Variants in SCUBE1 observed in about 807,000 individuals in gnomAD.
The protein encoded by SCUBE1 is signal peptide, CUB domain and EGF like domain containing 1, also known as signal peptide, CUB and EGF-like domain-containing protein 1.
In SCUBE1, 59 loss-of-function variants were observed where a neutral mutation model predicts 124.4. The ratio of observed to expected loss-of-function variants is 0.47; its 90% CI spans 0.38 to 0.59. SCUBE1 has a LOEUF of 0.59. SCUBE1 is among the 20% of genes least tolerant of loss of function. SCUBE1 has a pLI of 0.00. For synonymous variants in SCUBE1, 545 were observed against 550.9 expected (o/e 0.99, Z 0.15); for missense variants, 1,150 against 1,371.2 (o/e 0.84, Z 2.55).
chr22:43,206,450 C>T (rs1214913620), intron 21 of SCUBE1, among the ~76,000 whole-genome samples: 1 of 152,176 alleles, frequency 6.6e-6, no homozygotes, highest in Non-Finnish European at 1.5e-5. Flanking sequence ...TGCTCCTGCC[C>T]TCCTCTGTGC....
chr22:43,335,811 A>G (rs973028444), intron 2 of SCUBE1, among the ~76,000 whole-genome samples: 3 of 111,426 alleles, frequency 2.7e-5, no homozygotes, highest in African/African-American at 1.1e-4. Context: ...GGTGATGATG[A>G]TGATGATGGT....
At chr22:43,294,874 C>T (rs1348524015) in intron 3 of SCUBE1, among the ~76,000 whole-genome samples, 1 of 152,194 alleles carries the variant, frequency 6.6e-6, no homozygotes, top group East Asian at 1.9e-4. Context: ...GGGTTGCCAG[C>T]CTCACTACCA....
rs773494054 is a variant in SCUBE1 at position 43,198,993 on chromosome 22, T to C, written c.*5004A>G. 2.8e-6 allele frequency: 1 copy of C among 361,390 alleles called. No individual in the cohort carries two copies. The highest frequency in any genetic ancestry group is 5.4e-6 in the Non-Finnish European group (1 of 184,802). The allele number at this position is 361,390 out of a possible 1,614,324, so 22.4% of individuals were successfully genotyped here. A position where few individuals can be genotyped will look rare whatever the true frequency, so the allele number is the denominator to read the frequency against. Reference sequence around the variant, plus strand: ...TCTGCTGTCCGGGGCAACGTGTCTGTCTGTCTGCTGTCCGGGGCAGTGTGT... The same window carrying C: ...TCTGCTGTCCGGGGCAACGTGTCTGCCTGTCTGCTGTCCGGGGCAGTGTGT... On this transcript the variant is annotated 3_prime_UTR_variant, in exon 22 of 22. Coordinates refer to ENST00000360835, the MANE Select transcript of SCUBE1 (RefSeq NM_173050.5).
intron 10 of SCUBE1, among the ~76,000 whole-genome samples, chr22:43,224,539 TCCAA>T (rs1383694638): frequency 6.6e-6 from 1 of 152,188 alleles, no homozygotes; most frequent in Non-Finnish European, 1.5e-5. Flanking sequence ...TCCAACTCAA[TCCAA>T]GCTGGCCCCC....
intron 20 of SCUBE1, 39 bp downstream of exon 20, chr22:43,208,033 G>A (rs750989629): frequency 9.3e-6 from 15 of 1,610,506 alleles, no homozygotes; most frequent in African/African-American, 1.3e-5. Flanking sequence ...GGCCCCGCCT[G>A]AGCCGTGCAC....
At chr22:43,270,014 T>A (rs1401158573) in intron 4 of SCUBE1, 1 of 152,144 alleles carries the variant, frequency 6.6e-6, no homozygotes, top group Non-Finnish European at 1.5e-5. Context: ...CAGGACGGGG[T>A]ATGCTACGGC....
At chr22:43,226,031 C>G (rs1004026637) in intron 10 of SCUBE1, among the ~76,000 whole-genome samples, 2 of 152,240 alleles carry the variant, frequency 1.3e-5, no homozygotes, top group African/African-American at 4.8e-5. Context: ...ACGTGATAAA[C>G]TCAGCCTTTG....
chr22:43,328,203 C>T (rs1052925839), intron 2 of SCUBE1, among the ~76,000 whole-genome samples: 9 of 152,198 alleles, frequency 5.9e-5, no homozygotes, highest in African/African-American at 2.2e-4. Flanking sequence ...GGGGGCTGCT[C>T]CTGGGCTCTG....
At chr22:43,227,618 G>A (rs897765898) in intron 9 of SCUBE1, 122 bp from the exon 10 acceptor site, 17 of 1,292,422 alleles carry the variant, frequency 1.3e-5, no homozygotes, top group Non-Finnish European at 1.8e-5. Flanking sequence ...ACAGCATCAC[G>A]GGATGCAGAT....
chr22:43,221,089 T>C, intron 13 of SCUBE1, 84 bp downstream of exon 13: 1 of 995,378 alleles, frequency 1.0e-6, no homozygotes, highest in Non-Finnish European at 1.5e-6. Flanking sequence ...CCAGACTCGC[T>C]GGACCCTGGG....
Position 43,295,364 on chromosome 22 carries a change from T to A in SCUBE1, c.350-4184A>T, listed in dbSNP as rs1160952488. On this transcript the variant is annotated intron_variant, in intron 3 of 21. Coordinates refer to ENST00000360835, the MANE Select transcript of SCUBE1 (RefSeq NM_173050.5). Reference sequence around the variant, plus strand: ...TGCCTATCCTGTCCCCGCCCTGGGGTGAGGACAGATCTGAGTCTCCTTTAT... The same window carrying A: ...TGCCTATCCTGTCCCCGCCCTGGGGAGAGGACAGATCTGAGTCTCCTTTAT... Among the ~76,000 whole-genome samples, 3 of 152,164 alleles carry A rather than the reference T, an allele frequency of 2.0e-5. No individual in the cohort carries two copies. In the East Asian group the frequency reaches 5.8e-4, roughly 29 times the overall value.
chr22:43,210,807 G>T lies in SCUBE1; in HGVS notation c.2383+115C>A, dbSNP rs1921513820. ...ACCCGAGAGCAGACGGGACGGAGCG[G>T]GAGGAGTCCAGTGTCCTCGTGGAGC... On this transcript the variant is annotated intron_variant, in intron 18 of 21. Coordinates refer to ENST00000360835, the MANE Select transcript of SCUBE1 (RefSeq NM_173050.5). This position sits in a 1 kb window ranked among gnomAD's most constrained non-coding sequence, Gnocchi z 4.5. The T allele has an allele frequency of 1.6e-6, 2 of 1,254,138 alleles. No homozygotes were observed. The highest frequency in any genetic ancestry group is 2.9e-5 in the African/African-American group (2 of 68,216). The allele number at this position is 1,254,138 out of a possible 1,614,324, so 77.7% of individuals were successfully genotyped here.
chr22:43,292,660 A>G (rs12484029), intron 3 of SCUBE1, among the ~76,000 whole-genome samples: 43,570 of 151,776 alleles, frequency 0.29, 6,889 homozygotes, highest in East Asian at 0.46. Context: ...ATTGGAACCA[A>G]AAGGATGTGA....
At chr22:43,247,931 G>A (rs1399296482) in intron 6 of SCUBE1, among the ~76,000 whole-genome samples, 1 of 152,228 alleles carries the variant, frequency 6.6e-6, no homozygotes, top group East Asian at 1.9e-4. Flanking sequence ...TAGCAAAAAT[G>A]GCAGGAGGTC....
intron 4 of SCUBE1, among the ~76,000 whole-genome samples, chr22:43,267,664 A>C (rs1924126507): frequency 6.6e-6 from 1 of 152,188 alleles, no homozygotes; most frequent in African/African-American, 2.4e-5. Context: ...CAACAGTGAC[A>C]CAGCGACCAG....
At position 43,198,655 on chromosome 22, in the gene SCUBE1, A is replaced by C; in HGVS notation, c.*5342T>G. On this transcript the variant is annotated 3_prime_UTR_variant, in exon 22 of 22. Coordinates refer to ENST00000360835, the MANE Select transcript of SCUBE1 (RefSeq NM_173050.5). ...GCATCTTTGGTGAAAAGGGACCTCA[A>C]TGTCAGGTGCAGTTTGCCAGGGTGA... The C allele has an allele frequency of 2.2e-6, 1 of 456,702 alleles. No individual in the cohort carries two copies. Among genetic ancestry groups the C allele is most frequent in the South Asian group, 1.5e-5 (1 of 64,558 alleles). 28.3% of individuals were successfully genotyped at this position (456,702 alleles called of 1,614,324 possible). A position where few individuals can be genotyped will look rare whatever the true frequency, so the allele number is the denominator to read the frequency against.
intron 16 of SCUBE1, 40 bp from the exon 17 acceptor site, chr22:43,212,632 A>G: frequency 6.5e-7 from 1 of 1,528,426 alleles, no homozygotes; most frequent in Non-Finnish European, 8.8e-7. Context: ...GCAGGAGGGC[A>G]CCGCAGGGCC....
At chr22:43,292,896 G>A (rs538432517) in intron 3 of SCUBE1, among the ~76,000 whole-genome samples, 20 of 152,370 alleles carry the variant, frequency 1.3e-4, no homozygotes, top group South Asian at 2.1e-4. Flanking sequence ...TCTAAAAGCC[G>A]CCAGTGGTTA....
chr22:43,309,528 GAATATTAA>G (rs1445533153), intron 3 of SCUBE1, among the ~76,000 whole-genome samples: 1 of 152,162 alleles, frequency 6.6e-6, no homozygotes, highest in Non-Finnish European at 1.5e-5. Context: ...CGAAATGAGT[GAATATTAA>G]AATATCTGGC....
Sources: gnomAD v4.1 joint callset for allele counts (sites outside exome capture counted in the v4.1 genomes callset) on GRCh38, gnomAD v4.1.1 for gene constraint, Gnocchi (gnomAD v3.1) non-coding constraint, MANE v1.5 for transcripts, NCBI Gene and HGNC (gene_info 2026-07-23, HGNC 2026-07-21) for gene names.